PCDHA11: variants seen among roughly 807,000 people sequenced by gnomAD.
PCDHA11 encodes protocadherin alpha 11.
A neutral mutation model predicts 70.3 loss-of-function variants in PCDHA11; 61 were observed. The ratio of observed to expected loss-of-function variants is 0.87; its 90% CI spans 0.71 to 1.07. The LOEUF (loss-of-function observed/expected upper bound fraction) is 1.07. PCDHA11 is among the 50% of genes least tolerant of loss of function. The probability of loss-of-function intolerance (pLI) is 0.00; values close to 1 mark genes in which losing one functional copy is unlikely to be tolerated. For missense variants in PCDHA11, 1,324 were observed against 1,237.5 expected (o/e 1.07, Z -1.05); for synonymous variants, 633 against 555.1 (o/e 1.14, Z -1.97).
rs536794003 is a variant in PCDHA11, at chr5:140,982,215, G to A, written c.2451-260G>A. Reference sequence around the variant, plus strand: ...CTGTTAGATTTAGTGAGCGCCACATGGCGTTAATAAAAAACAGAATTGCCA... The same window carrying A: ...CTGTTAGATTTAGTGAGCGCCACATAGCGTTAATAAAAAACAGAATTGCCA... On this transcript the variant is annotated intron_variant, in intron 2 of 3. Coordinates refer to ENST00000398640, the MANE Select transcript of PCDHA11 (RefSeq NM_018902.5). The A allele has an allele frequency of 2.0e-5, 10 of 491,624 alleles. No individual in the cohort carries two copies. In the South Asian group the frequency reaches 3.6e-4, roughly 18 times the overall value. The allele number at this position is 491,624 out of a possible 1,614,324, so 30.5% of individuals were successfully genotyped here. A position where few individuals can be genotyped will look rare whatever the true frequency, so the allele number is the denominator to read the frequency against.
intron 1 of PCDHA11, chr5:140,967,594 G>A: frequency 6.2e-7 from 1 of 1,614,142 alleles, no homozygotes; most frequent in Non-Finnish European, 8.5e-7. Flanking sequence ...GCACATTGGT[G>A]GTGAAGCTGA....
intron 1 of PCDHA11, among the ~76,000 whole-genome samples, chr5:140,881,757 A>T (rs1238055344): frequency 6.6e-6 from 1 of 152,166 alleles, no homozygotes; most frequent in African/African-American, 2.4e-5. Flanking sequence ...TACCACAAAA[A>T]CCTACATGAC....
At chr5:140,911,620 C>T (rs2075566183) in intron 1 of PCDHA11, among the ~76,000 whole-genome samples, 1 of 152,146 alleles carries the variant, frequency 6.6e-6, no homozygotes, top group Non-Finnish European at 1.5e-5. Context: ...CTTAGTTCCC[C>T]ACATATGGTC....
chr5:140,967,955 A>C (rs1422637534), intron 1 of PCDHA11: 5 of 1,614,078 alleles, frequency 3.1e-6, no homozygotes, highest in Non-Finnish European at 4.2e-6. Flanking sequence ...CTCAGGCCCC[A>C]ACCGGAAAGT....
rs251372 is a variant in PCDHA11 at position 140,870,667 on chromosome 5, T to C, written c.1564T>C (p.Leu522=). 0.48 allele frequency: 777,079 copies of C among 1,612,370 alleles called. 188,810 individuals carry two copies. The highest frequency in any genetic ancestry group is 0.57 in the South Asian group (51,569 of 91,024). The change falls in exon 1 of 4, where the codon TTG becomes CTG. Residue 522 remains leucine (L), a synonymous_variant. Transcript: ENST00000398640. The stretch of plus-strand genomic sequence containing the variant: ...CGGCAAGGTGTACGCGCTGCAGCCG[T>C]TGGACCACGAGGAGCTGGAGCTGCT... The part of the protein sequence containing the change: ...ESGKVYALQP[L]DHEELELLQF...
intron 1 of PCDHA11, chr5:140,884,023 G>C (rs1554181067): frequency 2.5e-6 from 4 of 1,613,202 alleles, no homozygotes; most frequent in Non-Finnish European, 3.4e-6. Flanking sequence ...CGCGGTCGGT[G>C]GGTGCAGGCC....
chr5:140,985,606 C>A (rs1008038466), intron 3 of PCDHA11, among the ~76,000 whole-genome samples: 1 of 152,300 alleles, frequency 6.6e-6, no homozygotes, highest in South Asian at 2.1e-4. Context: ...AGAGCCCTTT[C>A]CGTGAACCAG....
chr5:140,971,050 C>G (rs2096454255), intron 1 of PCDHA11, among the ~76,000 whole-genome samples: 1 of 152,146 alleles, frequency 6.6e-6, no homozygotes, highest in South Asian at 2.1e-4. Context: ...AAGGGTTTAG[C>G]TTTAAATAAG....
intron 3 of PCDHA11, among the ~76,000 whole-genome samples, chr5:140,984,251 T>C (rs1164028325): frequency 6.6e-6 from 1 of 152,210 alleles, no homozygotes; most frequent in Non-Finnish European, 1.5e-5. Flanking sequence ...GTCGACCTGG[T>C]AAGCCACAAA....
At position 140,870,550 on chromosome 5, in the gene PCDHA11, G is replaced by C. The variant is rs371515299; in HGVS notation, c.1447G>C (p.Ala483Pro). Reference sequence around the variant, plus strand: ...CACAGTGTCGGCGCGGGACGCGGACGCGCAGGAGAACGCGCTGGTGTCCTA... The same window carrying C: ...CACAGTGTCGGCGCGGGACGCGGACCCGCAGGAGAACGCGCTGGTGTCCTA... ...IFTVSARDAD[A>P]QENALVSYSL... is the part of the protein sequence containing the mutation. The change falls in exon 1 of 4, where the codon GCG (alanine) becomes CCG (proline). Residue 483 changes from alanine to proline, a missense_variant. Physicochemically the swap from Ala to Pro is conservative, Grantham distance 27 (BLOSUM62 -1). Coordinates refer to ENST00000398640, the MANE Select transcript of PCDHA11 (RefSeq NM_018902.5). The C allele has an allele frequency of 1.2e-6, 2 of 1,614,066 alleles. No individual in the cohort carries two copies. The highest frequency in any genetic ancestry group is 2.2e-5 in the South Asian group (2 of 91,088).
Position 140,869,204 on chromosome 5 carries a change from C to T in PCDHA11, c.101C>T (p.Ser34Phe). 1 of 1,613,960 alleles carries T rather than the reference C, an allele frequency of 6.2e-7. No individual in the cohort carries two copies. Among genetic ancestry groups the T allele is most frequent in the Non-Finnish European group, 8.5e-7 (1 of 1,179,884 alleles). The stretch of plus-strand genomic sequence containing the variant: ...GTGGGGAGCGGCCAGCTCCACTACT[C>T]CGTCTCGGAGGAGGCCAAACACGGC... Reference protein sequence around the residue: ...WEVGSGQLHYSVSEEAKHGTF... With the variant: ...WEVGSGQLHYFVSEEAKHGTF... Residue 34 changes from serine to phenylalanine, a missense_variant, in exon 1 of 4, where the codon TCC becomes TTC. Physicochemically the swap from Ser to Phe is radical, Grantham distance 155. Transcript: ENST00000398640.
chr5:140,962,825 G>A (rs962485906), intron 1 of PCDHA11, among the ~76,000 whole-genome samples: 1 of 152,194 alleles, frequency 6.6e-6, no homozygotes, highest in Non-Finnish European at 1.5e-5. Flanking sequence ...ATGACCATTT[G>A]TCTCTTTTTT....
At chr5:140,936,986 A>G (rs2091244455) in intron 1 of PCDHA11, among the ~76,000 whole-genome samples, 1 of 151,898 alleles carries the variant, frequency 6.6e-6, no homozygotes, top group Non-Finnish European at 1.5e-5. Context: ...GCTTGTTAAC[A>G]TTGACAATAT....
Position 140,871,353 on chromosome 5 carries a change from G to T in PCDHA11, c.2250G>T (p.Ser750=). The T allele has an allele frequency of 6.2e-7, 1 of 1,614,214 alleles. No homozygotes were observed. Among genetic ancestry groups the T allele is most frequent in the Non-Finnish European group, 8.5e-7 (1 of 1,180,038 alleles). ...CSRAVGSWSY[S]QQRRQRVCSE... ...GCGCGGTGGGGAGCTGGTCATACTCGCAGCAGAGGCGGCAGAGGGTGTGCT... is the reference window on the plus strand; with the variant it reads ...GCGCGGTGGGGAGCTGGTCATACTCTCAGCAGAGGCGGCAGAGGGTGTGCT... The change falls in exon 1 of 4, where the codon TCG becomes TCT. Residue 750 remains serine, a synonymous_variant. Coordinates refer to ENST00000398640, the MANE Select transcript of PCDHA11 (RefSeq NM_018902.5).
Position 140,883,846 on chromosome 5 carries a change from G to A in PCDHA11, c.2391+12352G>A, listed in dbSNP as rs782516685. On this transcript the variant is annotated intron_variant, in intron 1 of 3. Coordinates refer to ENST00000398640, the MANE Select transcript of PCDHA11 (RefSeq NM_018902.5). ...ACGCGCTGCAGCCGTTGGACCACGA[G>A]GAGCTGGAGCTGTTGCAGTTCCAGG... is the stretch of plus-strand genomic sequence containing the variant. The A allele has an allele frequency of 6.8e-6, 11 of 1,612,790 alleles. 1 individual carries two copies. In the Admixed American group the frequency reaches 1.7e-4, roughly 24 times the overall value.
intron 1 of PCDHA11, among the ~76,000 whole-genome samples, chr5:140,906,153 A>G (rs2072404848): frequency 6.6e-6 from 1 of 152,142 alleles, no homozygotes; most frequent in Non-Finnish European, 1.5e-5. Flanking sequence ...ACCCTCACAG[A>G]CACACCCAGG....
At position 140,869,103 on chromosome 5, in the gene PCDHA11, G is replaced by A; in HGVS notation, c.-1G>A. 1 of 1,600,312 alleles carries A rather than the reference G, an allele frequency of 6.2e-7. No individual in the cohort carries two copies. The highest frequency in any genetic ancestry group is 8.5e-7 in the Non-Finnish European group (1 of 1,172,290). On this transcript the variant is annotated 5_prime_UTR_variant, in exon 1 of 4. Coordinates refer to ENST00000398640, the MANE Select transcript of PCDHA11 (RefSeq NM_018902.5). ...TATTTTGGAAGCCAATTTCGTATGC[G>A]ATGTTTGGTTTTCAGAGAAGGGGAT...
chr5:140,951,922 T>C (rs191831107), intron 1 of PCDHA11, among the ~76,000 whole-genome samples: 135 of 152,266 alleles, frequency 8.9e-4, no homozygotes, highest in Non-Finnish European at 1.0e-3. Flanking sequence ...AACAAGTTAG[T>C]TACTCCCAAG....
intron 1 of PCDHA11, chr5:140,926,720 T>C (rs2083499438): frequency 2.0e-6 from 2 of 1,002,404 alleles, no homozygotes; most frequent in Non-Finnish European, 2.7e-6. Flanking sequence ...GCCCCGGCAA[T>C]GCCGGCGTTC....
Sources: gnomAD v4.1 joint callset for allele counts (sites outside exome capture counted in the v4.1 genomes callset) on GRCh38, gnomAD v4.1.1 for gene constraint, MANE v1.5 for transcripts, NCBI Gene and HGNC (gene_info 2026-07-23, HGNC 2026-07-21) for gene names.